The following MAML2 variants were observed in gnomAD, a reference collection of about 807,000 sequenced individuals.
MAML2 encodes the protein mastermind like transcriptional coactivator 2.
In MAML2, 22 loss-of-function variants were observed where a neutral mutation model predicts 96.1. The observed-to-expected ratio is 0.23, with a 90% CI of 0.16 to 0.33. The LOEUF is 0.33. MAML2 is among the 10% of genes least tolerant of loss of function. MAML2 has a pLI of 1.00. For missense variants in MAML2, 1,367 were observed against 1,392.4 expected, an observed-to-expected ratio of 0.98 and a Z score of 0.29; for synonymous variants, 561 against 521.3, an observed-to-expected ratio of 1.08 and a Z score of -1.04.
rs542279893 is a variant in MAML2, at chr11:96,184,426, C to T, written c.514-90909G>A. Among the ~76,000 whole-genome samples, 253 of 148,006 alleles carry T rather than the reference C, an allele frequency of 1.7e-3. 1 individual carries two copies. Among genetic ancestry groups the T allele is most frequent in the African/African-American group, 5.7e-3 (226 of 39,972 alleles). ...CTGCACTCCAGCCTGGGTGACAGAGCGAGACTCCATCTCAAATAAATAAAT... is the reference window on the plus strand; with the variant it reads ...CTGCACTCCAGCCTGGGTGACAGAGTGAGACTCCATCTCAAATAAATAAAT... On this transcript the variant is annotated intron_variant, in intron 1 of 4. Transcript: ENST00000524717.
intron 2 of MAML2, among the ~76,000 whole-genome samples, chr11:95,996,710 T>C (rs1177630737): frequency 6.6e-6 from 1 of 152,156 alleles, no homozygotes; most frequent in Non-Finnish European, 1.5e-5. Context: ...ACAAAACACC[T>C]CCTTATACAA....
In MAML2 at chr11:95,978,319, G is replaced by C. The variant is rs116932975; in HGVS notation, c.*629C>G. On this transcript the variant is annotated 3_prime_UTR_variant, in exon 5 of 5. Transcript: ENST00000524717. Reference sequence around the variant, plus strand: ...TAATCACTAGACACAGCATCCCACTGAAGTAGAGGATTGTGGGAAAATTGT... The same window carrying C: ...TAATCACTAGACACAGCATCCCACTCAAGTAGAGGATTGTGGGAAAATTGT... The C allele has an allele frequency of 3.4e-3, 682 of 199,108 alleles. 9 individuals are homozygous for C. The East Asian group carries it at 0.05, about 15-fold the overall frequency. 12.3% of individuals were successfully genotyped at this position (199,108 alleles called of 1,614,324 possible).
chr11:96,308,965 G>C (rs1863502047), intron 1 of MAML2, among the ~76,000 whole-genome samples: 1 of 152,108 alleles, frequency 6.6e-6, no homozygotes. Flanking sequence ...ATGTAAAAAT[G>C]CTGCAGCATA....
chr11:96,016,691 G>C (rs2135732831), intron 2 of MAML2, among the ~76,000 whole-genome samples: 1 of 152,292 alleles, frequency 6.6e-6, no homozygotes, highest in South Asian at 2.1e-4. Context: ...CAAATATGCA[G>C]ATTGCCCTTC....
intron 2 of MAML2, among the ~76,000 whole-genome samples, chr11:96,053,666 A>C (rs1859020694): frequency 6.6e-6 from 1 of 152,158 alleles, no homozygotes; most frequent in South Asian, 2.1e-4. Context: ...AGGAGAAAAC[A>C]CTATCAAATT....
chr11:96,139,334 G>A lies in MAML2; in HGVS notation c.514-45817C>T, dbSNP rs192444176. Among the ~76,000 whole-genome samples the A allele has an allele frequency of 5.7e-3, 873 of 152,022 alleles. 8 individuals carry two copies. Among genetic ancestry groups the A allele is most frequent in the African/African-American group, 0.019 (804 of 41,472 alleles). ...CTACTAAAAATACAAAAAATTAGCCGGGCGTGGTGGCGGGCGCCTGTAGCC... is the reference window on the plus strand; with the variant it reads ...CTACTAAAAATACAAAAAATTAGCCAGGCGTGGTGGCGGGCGCCTGTAGCC... On this transcript the variant is annotated intron_variant, in intron 1 of 4. Coordinates refer to ENST00000524717, the MANE Select transcript of MAML2 (RefSeq NM_032427.4).
intron 1 of MAML2, among the ~76,000 whole-genome samples, chr11:96,321,190 A>C (rs868698526): frequency 1.3e-4 from 20 of 152,336 alleles, no homozygotes; most frequent in African/African-American, 4.6e-4. Context: ...CCAACCTCTG[A>C]GCACAGTTGC....
In MAML2 at chr11:96,093,141, G is replaced by C; in HGVS notation, c.890C>G (p.Pro297Arg). 1 of 1,613,990 alleles carries C rather than the reference G, an allele frequency of 6.2e-7. No individual in the cohort carries two copies. The highest frequency in any genetic ancestry group is 8.5e-7 in the Non-Finnish European group (1 of 1,179,880). Residue 297 changes from proline (P) to arginine (R), a missense_variant, in exon 2 of 5, where the codon CCT (proline) becomes CGT (arginine). Transcript: ENST00000524717. The part of the protein sequence containing the change: ...NIFPNRYGDD[P>R]GEQLMDPELQ... ...CTCAGGATCCATCAGTTGTTCTCCA[G>C]GGTCGTCTCCGTACCTATTAGGAAA...
intron 1 of MAML2, among the ~76,000 whole-genome samples, chr11:96,277,733 CAAA>C (rs55970384): frequency 1.4e-5 from 1 of 73,480 alleles, no homozygotes; most frequent in Non-Finnish European, 2.9e-5. Context: ...CACTCTGCCT[CAAA>C]AAAAAAAAAA....
chr11:96,156,307 A>T (rs1861011138), intron 1 of MAML2, among the ~76,000 whole-genome samples: 1 of 152,096 alleles, frequency 6.6e-6, no homozygotes, highest in African/African-American at 2.4e-5. Flanking sequence ...CACACACCAG[A>T]GGTTCATGAA....
rs775526424 is a variant in MAML2 at position 96,092,887 on chromosome 11, G to A, written c.1144C>T (p.Leu382=). ...GCGGGGCCAGCTGATGGGGGCCTCA[G>A]CTGAGGAGAGCCTGAGGGGCCCTGA... The part of the protein sequence containing the change: ...LTQGPSGSPQ[L]RPPSAGPAFS... The change falls in exon 2 of 5, where the codon CTG becomes TTG. Residue 382 remains leucine (L), a synonymous_variant. Coordinates refer to ENST00000524717, the MANE Select transcript of MAML2 (RefSeq NM_032427.4). The surrounding 1 kb of genome is among the most constrained non-coding windows in gnomAD (Gnocchi z 4.1). 4.4e-6 allele frequency: 7 copies of A among 1,605,376 alleles called. No individual in the cohort carries two copies. In the East Asian group the frequency reaches 1.1e-4, roughly 26 times the overall value.
chr11:96,254,481 T>A (rs1389371639), intron 1 of MAML2, among the ~76,000 whole-genome samples: 18 of 151,376 alleles, frequency 1.2e-4, no homozygotes, highest in Admixed American at 1.2e-3. Context: ...ATCTTTGGGA[T>A]CTTTTTTACC....
chr11:96,328,533 A>AG (rs1863814742), intron 1 of MAML2, among the ~76,000 whole-genome samples: 1 of 152,158 alleles, frequency 6.6e-6, no homozygotes, highest in African/African-American at 2.4e-5. Context: ...TGTGATCCAC[A>AG]GACACCCCAC....
At chr11:96,051,801 C>A (rs1452363407) in intron 2 of MAML2, among the ~76,000 whole-genome samples, 1 of 152,202 alleles carries the variant, frequency 6.6e-6, no homozygotes, top group East Asian at 1.9e-4. Context: ...GCAAACTTTA[C>A]CTGGATTTAA....
chr11:96,123,839 C>T (rs1384837541), intron 1 of MAML2, among the ~76,000 whole-genome samples: 2 of 151,842 alleles, frequency 1.3e-5, no homozygotes, highest in Admixed American at 1.3e-4. Flanking sequence ...TTTGGGAGGC[C>T]GAGGTAGGTG....
intron 1 of MAML2, among the ~76,000 whole-genome samples, chr11:96,133,040 A>G (rs1368574937): frequency 7.9e-5 from 12 of 152,214 alleles, no homozygotes; most frequent in Admixed American, 7.9e-4. Flanking sequence ...AATAATATAT[A>G]GTGAGTGCCT....
intron 1 of MAML2, among the ~76,000 whole-genome samples, chr11:96,112,373 C>A (rs1031318085): frequency 6.6e-6 from 1 of 152,270 alleles, no homozygotes; most frequent in African/African-American, 2.4e-5. Context: ...CAGTGTCCAT[C>A]TCAGGAGCAT....
At chr11:96,279,905 A>G (rs902395473) in intron 1 of MAML2, among the ~76,000 whole-genome samples, 4 of 152,232 alleles carry the variant, frequency 2.6e-5, no homozygotes, top group African/African-American at 9.6e-5. Flanking sequence ...AAAAGAAGTC[A>G]CAGATTAAAT....
intron 2 of MAML2, among the ~76,000 whole-genome samples, chr11:96,040,632 TG>T (rs1278216702): frequency 6.6e-6 from 1 of 151,934 alleles, no homozygotes; most frequent in African/African-American, 2.4e-5. Flanking sequence ...CTGGGCATGG[TG>T]GTGGGCGCCT....
Sources: gnomAD v4.1 joint callset for allele counts (sites outside exome capture counted in the v4.1 genomes callset) on GRCh38, gnomAD v4.1.1 for gene constraint, Gnocchi (gnomAD v3.1) non-coding constraint, MANE v1.5 for transcripts, NCBI Gene and HGNC (gene_info 2026-07-23, HGNC 2026-07-21) for gene names.